The following STAB2 variants were observed in gnomAD, a reference collection of about 807,000 sequenced individuals.
STAB2 encodes stabilin 2, also known as stabilin-2.
STAB2 carries 288 observed loss-of-function variants against 338.1 expected under a neutral mutation model. The observed-to-expected ratio is 0.85, with a 90% confidence interval of 0.77 to 0.94. STAB2 has a LOEUF of 0.94. STAB2 is among the 40% of genes least tolerant of loss of function. The pLI, the probability that STAB2 is intolerant of heterozygous loss-of-function variation, is 0.00. For synonymous variants in STAB2, 1,202 were observed against 1,193.3 expected (o/e 1.01, Z -0.15); for missense variants, 3,141 against 3,210.1 (o/e 0.98, Z 0.52).
Position 103,587,515 on chromosome 12 carries a change from G to T in STAB2, c.39G>T (p.Leu13Phe), listed in dbSNP as rs140037467. 12 of 1,613,918 alleles carry T rather than the reference G, an allele frequency of 7.4e-6. No homozygotes were observed. Among genetic ancestry groups the T allele is most frequent in the East Asian group, 6.7e-5 (3 of 44,886 alleles). The part of the protein sequence containing the change: ...LQHLVIFCLG[L>F]VVQNFCSPAE... ...ATTTAGTAATTTTTTGTCTTGGATT[G>T]GTTGTACAAAATTTCTGCTCCCCAG... The change falls in exon 1 of 69, where the codon TTG (leucine) becomes TTT (phenylalanine). Residue 13 changes from leucine (L) to phenylalanine (F), a missense_variant. Physicochemically the swap from Leu to Phe is conservative, Grantham distance 22 (BLOSUM62 0). Coordinates refer to ENST00000388887, the MANE Select transcript of STAB2 (RefSeq NM_017564.10).
At chr12:103,610,544 C>T in intron 3 of STAB2, among the ~76,000 whole-genome samples, 1 of 152,072 alleles carries the variant, frequency 6.6e-6, no homozygotes, top group East Asian at 1.9e-4. Flanking sequence ...TCGCCTTTAT[C>T]ATTTTTTATT....
chr12:103,652,975 C>G (rs1296358641), intron 12 of STAB2, among the ~76,000 whole-genome samples: 4 of 152,190 alleles, frequency 2.6e-5, no homozygotes, highest in Non-Finnish European at 5.9e-5. Context: ...TGTCATTCAA[C>G]TGCCAGCAGG....
chr12:103,750,616 G>C lies in STAB2; in HGVS notation c.6476G>C (p.Gly2159Ala). Residue 2159 changes from glycine to alanine, a missense_variant, in exon 60 of 69, where the codon GGA becomes GCA. By Grantham distance (60) the Gly-to-Ala change is moderately conservative. Transcript: ENST00000388887. Reference protein sequence around the residue: ...HKCECKSHYVGDGLNCEPEQL... With the variant: ...HKCECKSHYVADGLNCEPEQL... ...TGTGAGTGTAAAAGTCACTATGTCG[G>C]AGATGGGCTGAACTGTGAGCCGGAG... 1.2e-6 allele frequency: 2 copies of C among 1,614,222 alleles called. No individual in the cohort carries two copies. Among genetic ancestry groups the C allele is most frequent in the South Asian group, 1.1e-5 (1 of 91,086 alleles).
intron 26 of STAB2, among the ~76,000 whole-genome samples, chr12:103,683,794 A>G (rs1194582266): frequency 6.6e-6 from 1 of 152,228 alleles, no homozygotes; most frequent in African/African-American, 2.4e-5. Context: ...TTGCTTCTCA[A>G]CTTTGAAAGA....
Position 103,605,796 on chromosome 12 carries a change from T to C in STAB2, c.331+11286T>C, listed in dbSNP as rs150660466. On this transcript the variant is annotated intron_variant, in intron 3 of 68. Transcript: ENST00000388887. ...TAATATGAGCTACTTCAGCTTTCTT[T>C]TGACTAATGTTAGTGTGCTTTTTTC... is the stretch of plus-strand genomic sequence containing the variant. Among the ~76,000 whole-genome samples, 328 of 152,174 alleles carry C rather than the reference T, an allele frequency of 2.2e-3. 2 individuals carry two copies. Among genetic ancestry groups the C allele is most frequent in the African/African-American group, 7.4e-3 (309 of 41,556 alleles).
intron 46 of STAB2, among the ~76,000 whole-genome samples, chr12:103,726,619 G>GA (rs536590286): frequency 6.2e-4 from 95 of 152,284 alleles, no homozygotes; most frequent in African/African-American, 2.0e-3. Flanking sequence ...TGTAGTACAT[G>GA]AAAAGACTCC....
At chr12:103,766,111 C>T (rs934168842) in intron 68 of STAB2, 175 bp from the exon 69 acceptor site, 2 of 837,116 alleles carry the variant, frequency 2.4e-6, no homozygotes, top group Non-Finnish European at 4.0e-6. Flanking sequence ...GGTGGCCCTA[C>T]CCCCAGCCCA....
intron 35 of STAB2, 93 bp from the exon 36 acceptor site, chr12:103,704,465 T>C (rs1272375670): frequency 2.3e-6 from 3 of 1,317,638 alleles, no homozygotes; most frequent in Non-Finnish European, 3.2e-6. Flanking sequence ...TGCCTTGATT[T>C]TTAATTCAAA....
intron 44 of STAB2, among the ~76,000 whole-genome samples, chr12:103,718,560 A>G (rs1360677564): frequency 1.3e-5 from 2 of 152,170 alleles, no homozygotes; most frequent in African/African-American, 4.8e-5. Flanking sequence ...CATTTCAAGG[A>G]TTGCCACAAA....
chr12:103,669,500 T>C, intron 20 of STAB2, 41 bp from the exon 21 acceptor site: 1 of 1,512,652 alleles, frequency 6.6e-7, no homozygotes, highest in Non-Finnish European at 9.2e-7. Context: ...ATTGGTGCTC[T>C]ACTTGGGGGT....
intron 3 of STAB2, among the ~76,000 whole-genome samples, chr12:103,618,075 G>C (rs1319416249): frequency 6.6e-6 from 1 of 152,190 alleles, no homozygotes; most frequent in African/African-American, 2.4e-5. Context: ...CTCTTTCAGA[G>C]AGCTGCATTT....
intron 63 of STAB2, 23 bp from the exon 64 acceptor site, chr12:103,758,147 G>A: frequency 1.2e-6 from 2 of 1,613,724 alleles, no homozygotes; most frequent in Non-Finnish European, 1.7e-6. Context: ...TGGCCCCTCT[G>A]ATGACTTCCT....
chr12:103,699,860 G>A (rs747719510), intron 34 of STAB2, among the ~76,000 whole-genome samples: 4 of 152,134 alleles, frequency 2.6e-5, no homozygotes, highest in Non-Finnish European at 5.9e-5. Context: ...AGTCATAGGC[G>A]TCCTTCAGCG....
chr12:103,663,829 G>A (rs896770590), intron 18 of STAB2, among the ~76,000 whole-genome samples: 1 of 152,184 alleles, frequency 6.6e-6, no homozygotes, highest in Admixed American at 6.5e-5. Flanking sequence ...CTATACCAGA[G>A]CTCTGGGATC....
Position 103,666,291 on chromosome 12 carries a change from G to A in STAB2, c.2023G>A (p.Gly675Ser). 6.2e-7 allele frequency: 1 copy of A among 1,613,914 alleles called. No individual in the cohort carries two copies. Among genetic ancestry groups the A allele is most frequent in the Non-Finnish European group, 8.5e-7 (1 of 1,179,994 alleles). Residue 675 changes from glycine to serine, a missense_variant and splice_region_variant, in exon 19 of 69, where the codon GGC becomes AGC. Coordinates refer to ENST00000388887, the MANE Select transcript of STAB2 (RefSeq NM_017564.10). The part of the protein sequence containing the change: ...CDETKREMKL[G>S]TCVSCSLVYW... ...ACTGACCTCCTGTCTCTCCCTCCAG[G>A]GCACTTGTGTGAGCTGTTCTCTGGT...
chr12:103,637,060 A>T (rs1957558392), intron 6 of STAB2, 51 bp from the exon 7 acceptor site: 1 of 1,533,458 alleles, frequency 6.5e-7, no homozygotes, highest in African/African-American at 1.4e-5. Flanking sequence ...TGGGGGTCTT[A>T]AGAACTGGTT....
At chr12:103,600,104 A>C (rs1468295020) in intron 3 of STAB2, among the ~76,000 whole-genome samples, 1 of 152,222 alleles carries the variant, frequency 6.6e-6, no homozygotes, top group Non-Finnish European at 1.5e-5. Flanking sequence ...GAAAATGAGA[A>C]CCTACATGAA....
rs752881092 is a variant in STAB2, at chr12:103,762,412, A to G, written c.7488+10A>G. The G allele has an allele frequency of 1.2e-6, 2 of 1,614,148 alleles. No homozygotes were observed. The highest frequency in any genetic ancestry group is 2.2e-5 in the South Asian group (2 of 91,082). On this transcript the variant is annotated intron_variant, in intron 67 of 68. Coordinates refer to ENST00000388887, the MANE Select transcript of STAB2 (RefSeq NM_017564.10). ...CTTCCAGCATTTTGAGGTAAGAGAG[A>G]AAAATGGGAACATGATGATGGGGTC...
chr12:103,693,613 A>AAAATAT (rs1878144345), intron 31 of STAB2, among the ~76,000 whole-genome samples: 1 of 152,216 alleles, frequency 6.6e-6, no homozygotes, highest in African/African-American at 2.4e-5. Context: ...CCCTAAGGAA[A>AAAATAT]AAAGTGGAAA....
Sources: allele counts gnomAD v4.1 joint callset (sites outside exome capture counted in the v4.1 genomes callset), GRCh38; gene constraint gnomAD v4.1.1; transcripts MANE v1.5; gene names NCBI Gene and HGNC (gene_info 2026-07-23, HGNC 2026-07-21).